The following GYS2 variants were observed in gnomAD, a reference collection of about 807,000 sequenced individuals.
The protein encoded by GYS2 is glycogen [starch] synthase, liver.
In GYS2, 80 loss-of-function variants were observed where a neutral mutation model predicts 85.6. The ratio of observed to expected loss-of-function variants is 0.93; its 90% CI spans 0.78 to 1.13. The LOEUF is 1.13. GYS2 is among the 50% of genes most tolerant of loss of function. The pLI, the probability that GYS2 is intolerant of heterozygous loss-of-function variation, is 0.00. For missense variants in GYS2, 881 were observed against 854.9 expected (o/e 1.03, Z -0.38); for synonymous variants, 328 against 300.7 (o/e 1.09, Z -0.94).
rs552347339 is a variant in GYS2, at chr12:21,586,083, G to A, written c.122-5560C>T. Among the ~76,000 whole-genome samples the A allele has an allele frequency of 5.3e-4, 80 of 152,234 alleles. 1 individual carries two copies. The highest frequency in any genetic ancestry group is 1.8e-3 in the African/African-American group (75 of 41,518). ...TATTGATCCTGAGTGTGTCTGTGAG[G>A]GTATTGCCAAAGGAGATTAACATTT... is the stretch of plus-strand genomic sequence containing the variant. On this transcript the variant is annotated intron_variant, in intron 1 of 15. Transcript: ENST00000261195.
At chr12:21,578,154 C>G (rs1177760649) in intron 2 of GYS2, among the ~76,000 whole-genome samples, 1 of 152,180 alleles carries the variant, frequency 6.6e-6, no homozygotes, top group Non-Finnish European at 1.5e-5. Flanking sequence ...CACTGTGTTT[C>G]TGCCAGTGTA....
chr12:21,576,972 T>C (rs1213102766), intron 2 of GYS2, among the ~76,000 whole-genome samples: 7 of 152,136 alleles, frequency 4.6e-5, no homozygotes, highest in Admixed American at 4.6e-4. Flanking sequence ...ATAAAATATA[T>C]TAATATTGCT....
chr12:21,586,059 A>G (rs1201348302), intron 1 of GYS2, among the ~76,000 whole-genome samples: 2 of 152,170 alleles, frequency 1.3e-5, no homozygotes, highest in Non-Finnish European at 2.9e-5. Context: ...TGTGCAAAGT[A>G]TTGATCCTGA....
At chr12:21,544,378 A>T (rs1297382442) in intron 12 of GYS2, among the ~76,000 whole-genome samples, 1 of 152,196 alleles carries the variant, frequency 6.6e-6, no homozygotes, top group African/African-American at 2.4e-5. Flanking sequence ...CTCCTCTATC[A>T]TTTTGGGTTG....
At chr12:21,548,287 C>T (rs771433415) in intron 11 of GYS2, among the ~76,000 whole-genome samples, 3 of 152,080 alleles carry the variant, frequency 2.0e-5, no homozygotes, top group South Asian at 2.1e-4. Context: ...AGCCATGATT[C>T]GTAGTGTTTG....
chr12:21,583,570 C>G (rs1412664605), intron 1 of GYS2, among the ~76,000 whole-genome samples: 2 of 152,158 alleles, frequency 1.3e-5, no homozygotes, highest in East Asian at 3.8e-4. Context: ...GTGTCAGTGC[C>G]AGATAGGGAT....
In GYS2 at chr12:21,536,852, TA is replaced by T; in HGVS notation, c.*101del. On this transcript the variant is annotated 3_prime_UTR_variant, in exon 16 of 16. Coordinates refer to ENST00000261195, the MANE Select transcript of GYS2 (RefSeq NM_021957.4). ...TTTAGGCAGAGAATAAACTCCATTG[TA>T]ATACTTAGAAGGAGAAAATGAAATT... 1 of 803,164 alleles carries T rather than the reference TA, an allele frequency of 1.2e-6. No individual in the cohort carries two copies. The highest frequency in any genetic ancestry group is 2.1e-6 in the Non-Finnish European group (1 of 469,300). 49.8% of individuals were successfully genotyped at this position (803,164 alleles called of 1,614,324 possible). A position where few individuals can be genotyped will look rare whatever the true frequency, so the allele number is the denominator to read the frequency against.
At chr12:21,594,792 A>C (rs1033026252) in intron 1 of GYS2, among the ~76,000 whole-genome samples, 1 of 152,222 alleles carries the variant, frequency 6.6e-6, no homozygotes, top group African/African-American at 2.4e-5. Context: ...AGCCAAAGTC[A>C]TCCTGTGAAA....
intron 1 of GYS2, among the ~76,000 whole-genome samples, chr12:21,596,120 C>A (rs1944693607): frequency 6.6e-6 from 1 of 151,744 alleles, no homozygotes; most frequent in Non-Finnish European, 1.5e-5. Flanking sequence ...TAAAAAATTA[C>A]CAACCAAAAA....
chr12:21,551,584 A>G (rs959403890), intron 11 of GYS2, among the ~76,000 whole-genome samples: 5 of 152,140 alleles, frequency 3.3e-5, no homozygotes, highest in African/African-American at 2.4e-5. Context: ...CAAGGACATT[A>G]CAAACATTAA....
intron 1 of GYS2, among the ~76,000 whole-genome samples, chr12:21,591,570 C>A (rs188561741): frequency 1.3e-5 from 2 of 152,080 alleles, no homozygotes; most frequent in African/African-American, 4.8e-5. Flanking sequence ...AGGAAACCTA[C>A]GTAACAACAC....
In GYS2 at chr12:21,537,147, G is replaced by C. The variant is rs1943919690; in HGVS notation, c.1919C>G (p.Ser640Cys). Residue 640 changes from serine to cysteine, a missense_variant, in exon 16 of 16, where the codon TCC becomes TGC. Physicochemically the swap from Ser to Cys is moderately radical, Grantham distance 112. Coordinates refer to ENST00000261195, the MANE Select transcript of GYS2 (RefSeq NM_021957.4). ...CCCTGAAGGAGAAGGTGGTACTGAG[G>C]AAGGCCTGGGATATTTAAATCCTTC... Reference protein sequence around the residue: ...TTEGFKYPRPSSVPPSPSGSQ... With the variant: ...TTEGFKYPRPCSVPPSPSGSQ... The C allele has an allele frequency of 6.2e-7, 1 of 1,613,614 alleles. No homozygotes were observed. Among genetic ancestry groups the C allele is most frequent in the African/African-American group, 1.3e-5 (1 of 74,904 alleles).
chr12:21,587,577 T>C (rs1346467984), intron 1 of GYS2, among the ~76,000 whole-genome samples: 2 of 152,148 alleles, frequency 1.3e-5, no homozygotes, highest in Admixed American at 6.5e-5. Context: ...TCTGCCATGA[T>C]TGTAAGTTTC....
intron 1 of GYS2, among the ~76,000 whole-genome samples, chr12:21,595,841 A>T (rs556010251): frequency 8.5e-5 from 13 of 152,320 alleles, no homozygotes; most frequent in Admixed American, 7.8e-4. Flanking sequence ...CAACACAATA[A>T]TAGTGGGGGA....
Position 21,582,738 on chromosome 12 carries a change from A to G in GYS2, c.122-2215T>C, listed in dbSNP as rs148752614. ...AGAATATTAAGGATGGAGTTCTTTCATTGGTTTTGGGGTTTCTGGAGTTGG... is the reference window on the plus strand; with the variant it reads ...AGAATATTAAGGATGGAGTTCTTTCGTTGGTTTTGGGGTTTCTGGAGTTGG... On this transcript the variant is annotated intron_variant, in intron 1 of 15. Coordinates refer to ENST00000261195, the MANE Select transcript of GYS2 (RefSeq NM_021957.4). 3.7e-3 allele frequency among the ~76,000 whole-genome samples: 569 copies of G among 152,124 alleles called. 4 individuals are homozygous for G. The highest frequency in any genetic ancestry group is 0.013 in the African/African-American group (551 of 41,486).
chr12:21,553,885 A>G (rs1591785804), intron 11 of GYS2, among the ~76,000 whole-genome samples: 1 of 152,160 alleles, frequency 6.6e-6, no homozygotes, highest in Admixed American at 6.5e-5. Context: ...TTAGCTGTAG[A>G]TTACACTATC....
intron 4 of GYS2, among the ~76,000 whole-genome samples, chr12:21,572,105 T>C (rs888578169): frequency 1.3e-5 from 2 of 152,130 alleles, no homozygotes; most frequent in Non-Finnish European, 2.9e-5. Context: ...TGATTGGACT[T>C]TAAAAAATGA....
intron 1 of GYS2, among the ~76,000 whole-genome samples, chr12:21,592,858 C>G (rs1944654653): frequency 1.3e-5 from 2 of 152,034 alleles, no homozygotes; most frequent in South Asian, 4.1e-4. Flanking sequence ...TGACGCATTC[C>G]CCAGGATACA....
chr12:21,560,518 GTCAACTA>G, intron 7 of GYS2, 26 bp from the exon 8 acceptor site: 2 of 1,052,336 alleles, frequency 1.9e-6, no homozygotes, highest in Non-Finnish European at 3.0e-6. Context: ...AAAACACAGA[GTCAACTA>G]TCAAAGATTT....
Sources: allele counts gnomAD v4.1 joint callset (sites outside exome capture counted in the v4.1 genomes callset), GRCh38; gene constraint gnomAD v4.1.1; transcripts MANE v1.5; gene names NCBI Gene and HGNC (gene_info 2026-07-23, HGNC 2026-07-21).